PSPC1: variants seen among roughly 807,000 people sequenced by gnomAD.
PSPC1 encodes paraspeckle protein 1.
A neutral mutation model predicts 51.6 loss-of-function variants in PSPC1; 14 were observed. The ratio of observed to expected loss-of-function variants is 0.27; its 90% CI spans 0.18 to 0.42. The LOEUF (loss-of-function observed/expected upper bound fraction) is 0.42, where lower values mean the gene tolerates loss of function less well. Among genes scored for constraint, PSPC1 ranks in the 10% least tolerant of loss-of-function variants. The probability of loss-of-function intolerance (pLI) is 1.00; values close to 1 mark genes in which losing one functional copy is unlikely to be tolerated. For synonymous variants in PSPC1, 193 were observed against 231.9 expected (o/e 0.83, Z 1.53); for missense variants, 406 against 701.1 (o/e 0.58, Z 4.75).
Position 19,703,342 on chromosome 13 carries a change from G to C in PSPC1, c.1405C>G (p.Gln469Glu). The C allele has an allele frequency of 6.2e-7, 1 of 1,601,478 alleles. No individual in the cohort carries two copies. The highest frequency in any genetic ancestry group is 8.6e-7 in the Non-Finnish European group (1 of 1,169,582). The stretch of plus-strand genomic sequence containing the variant: ...GAACCCATCTGAGATGGTGGTCCTT[G>C]AGGAAATCTGTCATTGTGCTATGAT... ...NGAVHNDRFP[Q>E]GPPSQMGSPM... The change falls in exon 9 of 9, where the codon CAA (glutamine) becomes GAA (glutamate). Residue 469 changes from glutamine (Q) to glutamate (E), a missense_variant. Transcript: ENST00000338910.
intron 6 of PSPC1, among the ~76,000 whole-genome samples, chr13:19,717,804 A>C (rs999580444): frequency 1.3e-5 from 2 of 150,928 alleles, no homozygotes; most frequent in African/African-American, 4.9e-5. Context: ...CTTGATCAGG[A>C]GACAGAGTTT....
chr13:19,724,851 T>C (rs1593627129), intron 6 of PSPC1, among the ~76,000 whole-genome samples: 1 of 151,900 alleles, frequency 6.6e-6, no homozygotes, highest in Non-Finnish European at 1.5e-5. Context: ...ATACAAAAAT[T>C]ACCCAGGCGT....
chr13:19,694,772 A>G (rs1879006193), intron 6 of PSPC1, among the ~76,000 whole-genome samples: 1 of 152,234 alleles, frequency 6.6e-6, no homozygotes, highest in Non-Finnish European at 1.5e-5. Context: ...CTTCAGGCAG[A>G]ACTGTGGCCG....
chr13:19,680,939 C>T lies in PSPC1; in HGVS notation c.1159-3116G>A, dbSNP rs770923198. Among the ~76,000 whole-genome samples, 10 of 152,158 alleles carry T rather than the reference C, an allele frequency of 6.6e-5. 1 individual carries two copies. Among genetic ancestry groups the T allele is most frequent in the Non-Finnish European group, 7.3e-5 (5 of 68,046 alleles). ...AGAATAAAACATTAAAATACAAGGC[C>T]GGGCACGGTGGCTCATGCCTGTAAT... On this transcript the variant is annotated intron_variant and NMD_transcript_variant, in intron 6 of 7. Transcript: ENST00000471658.
rs369868739 is a variant in PSPC1, at chr13:19,776,459, G to GA, written c.373-3917dup. Among the ~76,000 whole-genome samples, 17 of 151,556 alleles carry GA rather than the reference G, an allele frequency of 1.1e-4. No individual in the cohort carries two copies. In the East Asian group the frequency reaches 2.5e-3, roughly 23 times the overall value. On this transcript the variant is annotated intron_variant, in intron 1 of 8. Coordinates refer to ENST00000338910, the MANE Select transcript of PSPC1 (RefSeq NM_001354909.2). ...CTAGTCTGGGCACTCTGTCTCAAGA[G>GA]AAAAAACAAAAATCACCAACCAGTA...
chr13:19,750,633 A>G (rs1886448067), intron 4 of PSPC1, among the ~76,000 whole-genome samples: 1 of 151,988 alleles, frequency 6.6e-6, no homozygotes, highest in South Asian at 2.1e-4. Flanking sequence ...CAAACAAAAA[A>G]TCCTGTATGT....
intron 6 of PSPC1, among the ~76,000 whole-genome samples, chr13:19,718,811 C>T (rs533901548): frequency 1.3e-5 from 2 of 152,316 alleles, no homozygotes; most frequent in African/African-American, 4.8e-5. Flanking sequence ...GAGCTATCAA[C>T]CCATGAAAAG....
intron 5 of PSPC1, 123 bp downstream of exon 5, chr13:19,741,442 G>A: frequency 1.5e-6 from 1 of 667,716 alleles, no homozygotes; most frequent in Non-Finnish European, 2.5e-6. Flanking sequence ...ACTGTATGTG[G>A]TTAAAATGGG....
intron 6 of PSPC1, among the ~76,000 whole-genome samples, chr13:19,685,229 G>A (rs552425534): frequency 6.6e-6 from 1 of 152,150 alleles, no homozygotes; most frequent in Admixed American, 6.5e-5. Context: ...CCCAACCTTT[G>A]GCCCTTGGTA....
rs1337557687 is a variant in PSPC1 at position 19,755,069 on chromosome 13, C to T, written c.771-3602G>A. ...GCAACATGACAAAACTCTGTCTTTA[C>T]AAAATAATTAAAAAATGAGACGGGC... is the stretch of plus-strand genomic sequence containing the variant. On this transcript the variant is annotated intron_variant, in intron 3 of 8. Coordinates refer to ENST00000338910, the MANE Select transcript of PSPC1 (RefSeq NM_001354909.2). Among the ~76,000 whole-genome samples the T allele has an allele frequency of 3.3e-5, 5 of 151,782 alleles. No homozygotes were observed. In the South Asian group the frequency reaches 6.2e-4, roughly 19 times the overall value.
intron 7 of PSPC1, chr13:19,675,297 T>A (rs1312280188): frequency 6.6e-6 from 1 of 152,216 alleles, no homozygotes; most frequent in Admixed American, 6.5e-5. Context: ...CACAGAGCGT[T>A]GAAAAGGAGG....
intron 6 of PSPC1, among the ~76,000 whole-genome samples, chr13:19,725,095 T>C (rs1170922557): frequency 6.6e-6 from 1 of 152,174 alleles, no homozygotes; most frequent in Non-Finnish European, 1.5e-5. Context: ...GAGAAACACT[T>C]GCACCTGGGA....
At chr13:19,705,218 G>A (rs1332114327) in intron 8 of PSPC1, among the ~76,000 whole-genome samples, 4 of 152,252 alleles carry the variant, frequency 2.6e-5, no homozygotes, top group Non-Finnish European at 5.9e-5. Flanking sequence ...ATCTCAGCTG[G>A]ACGCGGTGGC....
In PSPC1 at chr13:19,682,503, A is replaced by T. The variant is rs796514403; in HGVS notation, c.1159-4680T>A. ...CTGAATGGCAAAAAAAAAAAAAAAAAAAAGCAGTATATAAAGGGTACTCAA... is the reference window on the plus strand; with the variant it reads ...CTGAATGGCAAAAAAAAAAAAAAAATAAAGCAGTATATAAAGGGTACTCAA... On this transcript the variant is annotated intron_variant and NMD_transcript_variant, in intron 6 of 7. Coordinates refer to the PSPC1 transcript ENST00000471658. Among the ~76,000 whole-genome samples, 16 of 151,304 alleles carry T rather than the reference A, an allele frequency of 1.1e-4. No homozygotes were observed. The South Asian group carries it at 3.1e-3, about 29-fold the overall frequency.
chr13:19,739,090 T>C (rs1204091104), intron 5 of PSPC1, among the ~76,000 whole-genome samples: 1 of 152,178 alleles, frequency 6.6e-6, no homozygotes, highest in African/African-American at 2.4e-5. Flanking sequence ...GTTTCAGAAC[T>C]ACTAGCCCAT....
chr13:19,746,185 C>T (rs1330838032), intron 4 of PSPC1, among the ~76,000 whole-genome samples: 1 of 151,646 alleles, frequency 6.6e-6, no homozygotes, highest in Non-Finnish European at 1.5e-5. Flanking sequence ...GGGCGGATCA[C>T]GAGGTCAGGA....
At chr13:19,673,998 T>G (rs1410352203), downstream of PSPC1, among the ~76,000 whole-genome samples, 1 of 152,174 alleles carries the variant, frequency 6.6e-6, no homozygotes, top group Non-Finnish European at 1.5e-5. Context: ...AGCTACGAAG[T>G]CAGATGATAT....
At chr13:19,733,089 C>T (rs544567063) in intron 5 of PSPC1, among the ~76,000 whole-genome samples, 10 of 152,234 alleles carry the variant, frequency 6.6e-5, no homozygotes, top group South Asian at 6.2e-4. Context: ...CAGAAATGTA[C>T]GCACAAATGT....
intron 6 of PSPC1, among the ~76,000 whole-genome samples, chr13:19,728,135 A>G (rs1369838926): frequency 6.6e-6 from 1 of 152,172 alleles, no homozygotes; most frequent in Non-Finnish European, 1.5e-5. Context: ...AAGGCTGACA[A>G]ACAAAAAGAT....
Sources: gnomAD v4.1 joint callset for allele counts (sites outside exome capture counted in the v4.1 genomes callset) on GRCh38, gnomAD v4.1.1 for gene constraint, MANE v1.5 for transcripts, NCBI Gene and HGNC (gene_info 2026-07-23, HGNC 2026-07-21) for gene names.